Variants in CNTN3 observed in about 807,000 individuals in gnomAD.
CNTN3 encodes the protein contactin 3.
CNTN3 carries 60 observed loss-of-function variants against 119.1 expected under a neutral mutation model. That is an observed-to-expected ratio of 0.50 (90% CI 0.41 to 0.62). The LOEUF is 0.62. CNTN3 is among the 20% of genes least tolerant of loss of function. CNTN3 has a pLI of 0.00. For synonymous variants in CNTN3, 450 were observed against 438.7 expected, an observed-to-expected ratio of 1.03 and a Z score of -0.32; for missense variants, 1,101 against 1,242.4, an observed-to-expected ratio of 0.89 and a Z score of 1.71.
intron 1 of CNTN3, among the ~76,000 whole-genome samples, chr3:74,590,976 GA>G (rs1331711707): frequency 6.6e-6 from 1 of 151,938 alleles, no homozygotes; most frequent in Non-Finnish European, 1.5e-5. Context: ...CAGATATGAA[GA>G]AAAATGACTC....
At chr3:74,428,406 G>C (rs1237635457) in intron 4 of CNTN3, among the ~76,000 whole-genome samples, 2 of 152,128 alleles carry the variant, frequency 1.3e-5, no homozygotes, top group African/African-American at 4.8e-5. Flanking sequence ...ATAAGATGTG[G>C]AGGTGGAAGA....
intron 4 of CNTN3, among the ~76,000 whole-genome samples, chr3:74,481,354 G>A (rs1477889940): frequency 2.0e-5 from 3 of 151,766 alleles, no homozygotes; most frequent in East Asian, 3.9e-4. Context: ...CATATGTTGG[G>A]CCACAGGAAA....
intron 5 of CNTN3, among the ~76,000 whole-genome samples, chr3:74,397,634 A>G (rs1403446373): frequency 6.6e-6 from 1 of 152,186 alleles, no homozygotes. Flanking sequence ...GAAAGGAAGA[A>G]TAAATTTGAT....
chr3:74,337,664 C>A (rs1336043109), intron 11 of CNTN3, among the ~76,000 whole-genome samples: 8 of 152,068 alleles, frequency 5.3e-5, no homozygotes, highest in African/African-American at 1.7e-4. Context: ...AAACCGCCCC[C>A]GTGATTAAAT....
intron 1 of CNTN3, among the ~76,000 whole-genome samples, chr3:74,588,177 CG>C (rs1187345993): frequency 7.2e-5 from 11 of 152,078 alleles, no homozygotes; most frequent in African/African-American, 2.7e-4. Flanking sequence ...CTGCTGGATT[CG>C]GTTTGCCAGT....
At chr3:74,455,126 C>T (rs531509736) in intron 4 of CNTN3, among the ~76,000 whole-genome samples, 11 of 152,184 alleles carry the variant, frequency 7.2e-5, no homozygotes, top group African/African-American at 1.4e-4. Flanking sequence ...CCATTCTCCC[C>T]GTCACTTTCA....
At chr3:74,547,647 T>C (rs907419684) in intron 1 of CNTN3, among the ~76,000 whole-genome samples, 1 of 152,172 alleles carries the variant, frequency 6.6e-6, no homozygotes, top group African/African-American at 2.4e-5. Context: ...ATTCATCTAC[T>C]GAGCTGTTTA....
At chr3:74,297,160 C>T (rs1702355342) in intron 18 of CNTN3, among the ~76,000 whole-genome samples, 1 of 152,144 alleles carries the variant, frequency 6.6e-6, no homozygotes, top group African/African-American at 2.4e-5. Flanking sequence ...CAGTAACATC[C>T]TTTTCTCAGG....
chr3:74,469,610 G>A (rs530668250), intron 4 of CNTN3, among the ~76,000 whole-genome samples: 127 of 152,266 alleles, frequency 8.3e-4, no homozygotes, highest in African/African-American at 2.5e-3. Context: ...AGCTCACATC[G>A]TTAGTCATCA....
intron 4 of CNTN3, among the ~76,000 whole-genome samples, chr3:74,435,452 C>T (rs149676565): frequency 6.1e-4 from 93 of 152,266 alleles, no homozygotes; most frequent in African/African-American, 2.1e-3. Flanking sequence ...GCTAGGATTA[C>T]AGGCATGAGC....
intron 13 of CNTN3, among the ~76,000 whole-genome samples, chr3:74,307,151 C>T (rs1702581542): frequency 6.6e-6 from 1 of 152,046 alleles, no homozygotes; most frequent in Admixed American, 6.6e-5. Flanking sequence ...ATTTGAGTAA[C>T]TCAAGAAGGA....
intron 1 of CNTN3, among the ~76,000 whole-genome samples, chr3:74,529,858 C>G (rs555549323): frequency 6.6e-6 from 1 of 151,988 alleles, no homozygotes; most frequent in African/African-American, 2.4e-5. Context: ...CATTCTGTTC[C>G]TCACCTCATA....
At chr3:74,358,969 C>T (rs901836594) in intron 11 of CNTN3, among the ~76,000 whole-genome samples, 2 of 151,916 alleles carry the variant, frequency 1.3e-5, no homozygotes, top group Admixed American at 1.3e-4. Flanking sequence ...CATAGTATTC[C>T]ATGGTGTGTA....
chr3:74,280,649 G>A (rs1411513919), intron 20 of CNTN3, among the ~76,000 whole-genome samples: 1 of 152,214 alleles, frequency 6.6e-6, no homozygotes, highest in Non-Finnish European at 1.5e-5. Context: ...CAGTGATGGA[G>A]AGAGTCATTG....
intron 5 of CNTN3, among the ~76,000 whole-genome samples, chr3:74,375,393 A>C (rs1704453697): frequency 1.3e-5 from 2 of 152,110 alleles, no homozygotes; most frequent in South Asian, 4.1e-4. Flanking sequence ...TGGGCCTAAT[A>C]TTGGTGGGGT....
chr3:74,612,361 A>G (rs977214212), intron 1 of CNTN3, among the ~76,000 whole-genome samples: 5 of 152,234 alleles, frequency 3.3e-5, no homozygotes, highest in Admixed American at 3.3e-4. Flanking sequence ...GAAAGTGCTC[A>G]GCACTTTGCT....
chr3:74,465,677 C>T (rs1022420713), intron 4 of CNTN3, among the ~76,000 whole-genome samples: 1 of 152,146 alleles, frequency 6.6e-6, no homozygotes, highest in Non-Finnish European at 1.5e-5. Context: ...CAGCATCCAC[C>T]CCTCTATCTG....
intron 4 of CNTN3, among the ~76,000 whole-genome samples, chr3:74,459,541 T>C (rs1333988523): frequency 6.6e-6 from 1 of 152,014 alleles, no homozygotes; most frequent in Non-Finnish European, 1.5e-5. Context: ...TCCACTAATC[T>C]CTGTAAATTC....
intron 20 of CNTN3, among the ~76,000 whole-genome samples, chr3:74,272,907 A>G (rs1457497345): frequency 2.0e-5 from 3 of 152,158 alleles, no homozygotes; most frequent in Non-Finnish European, 4.4e-5. Flanking sequence ...ATTTATGGCA[A>G]TGATGCTGGT....
Sources: gnomAD v4.1 joint callset for allele counts (sites outside exome capture counted in the v4.1 genomes callset) on GRCh38, gnomAD v4.1.1 for gene constraint, MANE v1.5 for transcripts, NCBI Gene and HGNC (gene_info 2026-07-23, HGNC 2026-07-21) for gene names.